Variants in BARHL1 observed in about 807,000 individuals in gnomAD.
BARHL1 encodes BarH like homeobox 1.
BARHL1 carries 2 observed loss-of-function variants against 20.1 expected under a neutral mutation model. That is an observed-to-expected ratio of 0.10 (90% confidence interval 0.04 to 0.31). BARHL1 has a LOEUF of 0.31. BARHL1 is among the 10% of genes least tolerant of loss of function. BARHL1 has a pLI of 1.00. For synonymous variants in BARHL1, 213 were observed against 209.9 expected (o/e 1.01, Z -0.13); for missense variants, 397 against 454.0 (o/e 0.87, Z 1.14).
intron 1 of BARHL1, among the ~76,000 whole-genome samples, chr9:132,584,182 AG>A (rs1830113509): frequency 6.6e-6 from 1 of 151,978 alleles, no homozygotes; most frequent in African/African-American, 2.4e-5. Context: ...AAAGGGAAGA[AG>A]AAAAAAAAAG....
chr9:132,585,776 A>C (rs1265888663), intron 1 of BARHL1, among the ~76,000 whole-genome samples: 1 of 152,222 alleles, frequency 6.6e-6, no homozygotes, highest in Non-Finnish European at 1.5e-5. Context: ...TAGCTGACCC[A>C]TTCTTCCTGA....
chr9:132,588,301 C>T (rs1475151040), intron 2 of BARHL1, among the ~76,000 whole-genome samples: 1 of 152,178 alleles, frequency 6.6e-6, no homozygotes, highest in East Asian at 1.9e-4. Flanking sequence ...CTCAGCCCCA[C>T]AGTCACTCGC....
intron 1 of BARHL1, among the ~76,000 whole-genome samples, chr9:132,586,740 A>C (rs1830148520): frequency 6.6e-6 from 1 of 152,134 alleles, no homozygotes; most frequent in African/African-American, 2.4e-5. Flanking sequence ...GTCGGGAGAA[A>C]TCATCACTAC....
intron 2 of BARHL1, 33 bp from the exon 3 acceptor site, chr9:132,589,188 TAGCCCTG>T: frequency 6.3e-7 from 1 of 1,578,472 alleles, no homozygotes; most frequent in South Asian, 1.2e-5. Context: ...CTGGATGCCC[TAGCCCTG>T]ATCCCGCCAT....
chr9:132,589,092 T>C (rs1830178197), intron 2 of BARHL1, 136 bp from the exon 3 acceptor site: 1 of 1,429,400 alleles, frequency 7.0e-7, no homozygotes, highest in Non-Finnish European at 9.2e-7. Context: ...TGCCTGGCAC[T>C]CGGTTATTTA....
Position 132,589,427 on chromosome 9 carries a change from C to A in BARHL1, c.889C>A (p.Arg297Ser), listed in dbSNP as rs779662889. The change falls in exon 3 of 3, where the codon CGC becomes AGC. Residue 297 changes from arginine (R) to serine (S), a missense_variant. By Grantham distance (110) the Arg-to-Ser change is moderately radical. This residue lies in a region of BARHL1 where 121 missense variants were observed against 135.9 expected (regional missense o/e 0.89). Coordinates refer to ENST00000263610, the MANE Select transcript of BARHL1 (RefSeq NM_020064.4). ...PPALQRPLVP[R>S]ILIHGLQGAS... ...TGCTCTCCAGAGACCTCTGGTGCCCCGCATCCTCATCCACGGACTCCAGGG... is the reference window on the plus strand; with the variant it reads ...TGCTCTCCAGAGACCTCTGGTGCCCAGCATCCTCATCCACGGACTCCAGGG... 3.7e-6 allele frequency: 6 copies of A among 1,609,350 alleles called. No homozygotes were observed. Among genetic ancestry groups the A allele is most frequent in the Admixed American group, 1.7e-5 (1 of 59,574 alleles).
intron 2 of BARHL1, among the ~76,000 whole-genome samples, chr9:132,588,050 A>G (rs1589938808): frequency 6.6e-6 from 1 of 152,148 alleles, no homozygotes; most frequent in African/African-American, 2.4e-5. Flanking sequence ...AGGCCTCCCC[A>G]GCCTTTCTGG....
chr9:132,582,741 C>T lies in BARHL1; in HGVS notation c.-57C>T. Reference sequence around the variant, plus strand: ...CCGCAGCTAGGGGCAGGGGCAGCGGCGGCTGGGGTTGGGGGTGGGTGGGGA... The same window carrying T: ...CCGCAGCTAGGGGCAGGGGCAGCGGTGGCTGGGGTTGGGGGTGGGTGGGGA... On this transcript the variant is annotated 5_prime_UTR_variant, in exon 1 of 3. Transcript: ENST00000263610. 2 of 1,424,818 alleles carry T rather than the reference C, an allele frequency of 1.4e-6. No homozygotes were observed. Among genetic ancestry groups the T allele is most frequent in the South Asian group, 1.4e-5 (1 of 71,960 alleles). The allele number at this position is 1,424,818 out of a possible 1,614,324, so 88.3% of individuals were successfully genotyped here.
rs1445104758 is a variant in BARHL1, at chr9:132,587,404, C to G, written c.542C>G (p.Ala181Gly). The G allele has an allele frequency of 6.2e-7, 1 of 1,612,386 alleles. No homozygotes were observed. The highest frequency in any genetic ancestry group is 8.5e-7 in the Non-Finnish European group (1 of 1,179,732). ...PPVRLKKPRK[A>G]RTAFTDHQLA... Reference sequence around the variant, plus strand: ...GTGCGCCTGAAAAAGCCACGCAAGGCGCGCACGGCCTTCACCGACCATCAG... The same window carrying G: ...GTGCGCCTGAAAAAGCCACGCAAGGGGCGCACGGCCTTCACCGACCATCAG... Residue 181 changes from alanine to glycine, a missense_variant, in exon 2 of 3, where the codon GCG becomes GGG. Ala to Gly is a moderately conservative substitution (Grantham distance 60). Around this residue, in one of 3 missense-constraint regions of BARHL1, gnomAD observed 272 missense variants for 298.7 expected, o/e 0.91. Transcript: ENST00000263610. This position sits in a 1 kb window ranked among gnomAD's most constrained non-coding sequence, Gnocchi z 5.5.
chr9:132,583,317 C>A, intron 1 of BARHL1, 54 bp downstream of exon 1: 1 of 1,475,252 alleles, frequency 6.8e-7, no homozygotes, highest in Non-Finnish European at 9.2e-7. Flanking sequence ...TAAAAACTGA[C>A]ATTTAAAAGG....
At position 132,587,090 on chromosome 9, in the gene BARHL1, C is replaced by A. The variant is rs1376820773; in HGVS notation, c.467-239C>A. ...TTCTCGCCAGCTTCGGGTTCTTTCT[C>A]CCCGGAGCTGCCCGGGGGGTCTCGG... On this transcript the variant is annotated intron_variant, in intron 1 of 2. Coordinates refer to ENST00000263610, the MANE Select transcript of BARHL1 (RefSeq NM_020064.4). The surrounding 1 kb of genome is among the most constrained non-coding windows in gnomAD (Gnocchi z 5.5). Among the ~76,000 whole-genome samples, 1 of 152,232 alleles carries A rather than the reference C, an allele frequency of 6.6e-6. No individual in the cohort carries two copies. Among genetic ancestry groups the A allele is most frequent in the Admixed American group, 6.5e-5 (1 of 15,288 alleles).
In BARHL1 at chr9:132,589,208, G is replaced by C. The variant is rs1266251399; in HGVS notation, c.690-20G>C. On this transcript the variant is annotated intron_variant, in intron 2 of 2. Coordinates refer to ENST00000263610, the MANE Select transcript of BARHL1 (RefSeq NM_020064.4). ...TGCCCTAGCCCTGATCCCGCCATAC[G>C]CGTTTATTTCGGCCCCCAGGACTAA... 6.3e-7 allele frequency: 1 copy of C among 1,599,322 alleles called. No individual in the cohort carries two copies. The highest frequency in any genetic ancestry group is 1.7e-5 in the Admixed American group (1 of 58,740).
chr9:132,589,901 C>A lies in BARHL1; in HGVS notation c.*379C>A, dbSNP rs1830190928. 1 of 183,904 alleles carries A rather than the reference C, an allele frequency of 5.4e-6. No individual in the cohort carries two copies. The highest frequency in any genetic ancestry group is 1.9e-4 in the South Asian group (1 of 5,132). The allele number at this position is 183,904 out of a possible 1,614,324, so 11.4% of individuals were successfully genotyped here. A position where few individuals can be genotyped will look rare whatever the true frequency, so the allele number is the denominator to read the frequency against. On this transcript the variant is annotated 3_prime_UTR_variant, in exon 3 of 3. Transcript: ENST00000263610. ...TTCGCTCTCTCCCACGCCCCTTCTA[C>A]GCTCCAGGTGGAGAACAGCCCCTCT... is the stretch of plus-strand genomic sequence containing the variant.
rs756789300 is a variant in BARHL1, at chr9:132,589,318, T to C, written c.780T>C (p.Pro260=). 6.2e-7 allele frequency: 1 copy of C among 1,613,584 alleles called. No individual in the cohort carries two copies. The highest frequency in any genetic ancestry group is 1.7e-5 in the Admixed American group (1 of 60,016). Reference sequence around the variant, plus strand: ...CGCTCCAGCGGATGTTCCCGTCGCCTTATTTCTACCCGCAGAGTCTGGTTT... The same window carrying C: ...CGCTCCAGCGGATGTTCCCGTCGCCCTATTTCTACCCGCAGAGTCTGGTTT... ...YSALQRMFPS[P]YFYPQSLVSN... is the part of the protein sequence containing the mutation. The change falls in exon 3 of 3, where the codon CCT becomes CCC. Residue 260 remains proline, a synonymous_variant. Transcript: ENST00000263610.
intron 1 of BARHL1, among the ~76,000 whole-genome samples, chr9:132,586,468 T>C (rs1203854820): frequency 2.0e-5 from 3 of 152,260 alleles, no homozygotes; most frequent in Non-Finnish European, 4.4e-5. Context: ...ATAAAGAAAC[T>C]ACCTGTGCCA....
chr9:132,587,712 T>C lies in BARHL1; in HGVS notation c.689+161T>C, dbSNP rs1830158645. On this transcript the variant is annotated intron_variant, in intron 2 of 2. Transcript: ENST00000263610. The surrounding 1 kb of genome is among the most constrained non-coding windows in gnomAD (Gnocchi z 5.5). ...CTGAGTCCCTAAGGGGACAAGGCCT[T>C]GCCCAAAGTCCCCACAGCGAGGGAC... Among the ~76,000 whole-genome samples, 1 of 152,190 alleles carries C rather than the reference T, an allele frequency of 6.6e-6. No individual in the cohort carries two copies. The highest frequency in any genetic ancestry group is 2.1e-4 in the South Asian group (1 of 4,828).
intron 1 of BARHL1, among the ~76,000 whole-genome samples, chr9:132,585,577 C>T (rs1830132663): frequency 6.6e-6 from 1 of 152,202 alleles, no homozygotes; most frequent in African/African-American, 2.4e-5. Context: ...GTTTTGTTCC[C>T]AGCAGGCAGG....
In BARHL1 at chr9:132,587,347, G is replaced by A. The variant is rs779885563; in HGVS notation, c.485G>A (p.Arg162His). 6.2e-7 allele frequency: 1 copy of A among 1,607,022 alleles called. No homozygotes were observed. The highest frequency in any genetic ancestry group is 1.3e-5 in the African/African-American group (1 of 74,838). Residue 162 changes from arginine to histidine, a missense_variant, in exon 2 of 3, where the codon CGC becomes CAC. Coordinates refer to ENST00000263610, the MANE Select transcript of BARHL1 (RefSeq NM_020064.4). The surrounding 1 kb of genome is among the most constrained non-coding windows in gnomAD (Gnocchi z 5.5). ...TCCGCAGTGAAGGAGGAGGGCGACC[G>A]CGAGATCTCCAGCTCCAGGGACAGT... ...SEYKVKEEGD[R>H]EISSSRDSPP...
Position 132,589,636 on chromosome 9 carries a change from T to TCCCTGGCGCCCCAGCCCAGTG in BARHL1, c.*118_*138dup. 8.2e-7 allele frequency: 1 copy of TCCCTGGCGCCCCAGCCCAGTG among 1,214,002 alleles called. No individual in the cohort carries two copies. The highest frequency in any genetic ancestry group is 1.6e-5 in the African/African-American group (1 of 62,904). 75.2% of individuals were successfully genotyped at this position (1,214,002 alleles called of 1,614,324 possible). A position where few individuals can be genotyped will look rare whatever the true frequency, so the allele number is the denominator to read the frequency against. The stretch of plus-strand genomic sequence containing the variant: ...CCCGGGAGGGGGCCCTGCCCGGCCC[T>TCCCTGGCGCCCCAGCCCAGTG]CCCTGGCGCCCCAGCCCAGTGCCCC... On this transcript the variant is annotated 3_prime_UTR_variant, in exon 3 of 3. Coordinates refer to ENST00000263610, the MANE Select transcript of BARHL1 (RefSeq NM_020064.4).
Sources: gnomAD v4.1 joint callset for allele counts (sites outside exome capture counted in the v4.1 genomes callset) on GRCh38, gnomAD v4.1.1 for gene constraint, gnomAD v4.1.1 regional missense constraint, Gnocchi (gnomAD v3.1) non-coding constraint, MANE v1.5 for transcripts, NCBI Gene and HGNC (gene_info 2026-07-23, HGNC 2026-07-21) for gene names.